The following RNF216 variants were observed in gnomAD, a reference collection of about 807,000 sequenced individuals.
RNF216 encodes the protein ring finger protein 216.
Under a neutral mutation model 110.8 loss-of-function variants are expected in RNF216, and 72 were observed. The ratio of observed to expected loss-of-function variants is 0.65; its 90% CI spans 0.54 to 0.79. The LOEUF (loss-of-function observed/expected upper bound fraction) is 0.79, where lower values mean the gene tolerates loss of function less well. Ranked by LOEUF, RNF216 falls within the 30% of genes least tolerant of loss-of-function variation. The pLI, the probability that RNF216 is intolerant of heterozygous loss-of-function variation, is 0.00. For missense variants in RNF216, 1,342 were observed against 1,141.2 expected, an observed-to-expected ratio of 1.18 and a Z score of -2.54; for synonymous variants, 495 against 407.5, an observed-to-expected ratio of 1.21 and a Z score of -2.59.
At chr7:5,653,462 G>T (rs1340637999) in intron 13 of RNF216, among the ~76,000 whole-genome samples, 1 of 151,694 alleles carries the variant, frequency 6.6e-6, no homozygotes, top group Non-Finnish European at 1.5e-5. Flanking sequence ...TTAGCTGGGC[G>T]TGGTGGCAGG....
At chr7:5,728,192 T>C (rs1219334179) in intron 7 of RNF216, among the ~76,000 whole-genome samples, 1 of 152,218 alleles carries the variant, frequency 6.6e-6, no homozygotes, top group African/African-American at 2.4e-5. Context: ...TGTGATTAAA[T>C]GTCCCTTCCT....
At chr7:5,675,493 T>A (rs1790223940) in intron 13 of RNF216, among the ~76,000 whole-genome samples, 1 of 150,218 alleles carries the variant, frequency 6.7e-6, no homozygotes, top group Non-Finnish European at 1.5e-5. Context: ...TTTAAAAAAA[T>A]TAGCTGAGTG....
At chr7:5,711,912 G>C in intron 12 of RNF216, 73 bp from the exon 13 acceptor site, 1 of 1,338,686 alleles carries the variant, frequency 7.5e-7, no homozygotes, top group Non-Finnish European at 1.1e-6. Context: ...CCATGTGGCT[G>C]TTCATATGAA....
intron 3 of RNF216, among the ~76,000 whole-genome samples, chr7:5,751,141 T>C (rs898604672): frequency 2.6e-5 from 4 of 152,142 alleles, no homozygotes; most frequent in African/African-American, 9.7e-5. Context: ...AATGTTTCCA[T>C]ACAGCTACCT....
intron 13 of RNF216, among the ~76,000 whole-genome samples, chr7:5,681,854 G>T (rs1467156364): frequency 6.6e-6 from 1 of 152,184 alleles, no homozygotes; most frequent in Admixed American, 6.5e-5. Context: ...AGGTGAAAAG[G>T]CCAAATTCAA....
intron 13 of RNF216, among the ~76,000 whole-genome samples, chr7:5,676,466 G>A (rs1388081389): frequency 6.6e-6 from 1 of 152,062 alleles, no homozygotes; most frequent in Non-Finnish European, 1.5e-5. Flanking sequence ...GAGAACTGTC[G>A]CTGGGGAACC....
chr7:5,748,824 A>G (rs1795181262), intron 3 of RNF216, among the ~76,000 whole-genome samples: 1 of 152,220 alleles, frequency 6.6e-6, no homozygotes. Flanking sequence ...TTTAAACTGC[A>G]CAGGGGTTGG....
intron 15 of RNF216, among the ~76,000 whole-genome samples, chr7:5,628,601 C>T (rs1786863689): frequency 6.6e-6 from 1 of 152,110 alleles, no homozygotes; most frequent in South Asian, 2.1e-4. Context: ...TAGATCACTG[C>T]AGCCTCCACC....
chr7:5,754,631 T>C (rs1013499880), intron 2 of RNF216, among the ~76,000 whole-genome samples: 8 of 152,046 alleles, frequency 5.3e-5, no homozygotes, highest in Non-Finnish European at 1.0e-4. Flanking sequence ...CCACTGAAAA[T>C]GGCCATAGTG....
Position 5,633,404 on chromosome 7 carries a change from C to T in RNF216, c.2382+7750G>A, listed in dbSNP as rs573814681. 5.3e-5 allele frequency among the ~76,000 whole-genome samples: 8 copies of T among 152,056 alleles called. No individual in the cohort carries two copies. The South Asian group carries it at 6.2e-4, about 12-fold the overall frequency. On this transcript the variant is annotated intron_variant, in intron 15 of 16. Coordinates refer to ENST00000389902, the MANE Select transcript of RNF216 (RefSeq NM_207111.4). ...CAGTCTGATCAACACGGTGAAACCC[C>T]GTCTCTACTAAAATACGAAAATTAG...
chr7:5,677,429 T>C (rs1450312928), intron 13 of RNF216, among the ~76,000 whole-genome samples: 2 of 152,112 alleles, frequency 1.3e-5, no homozygotes, highest in Non-Finnish European at 2.9e-5. Context: ...TCTCAGGCTT[T>C]CCTCTATAAA....
At chr7:5,770,379 T>G (rs1796433664) in intron 1 of RNF216, among the ~76,000 whole-genome samples, 1 of 151,590 alleles carries the variant, frequency 6.6e-6, no homozygotes. Context: ...GAGAATCACT[T>G]GAACCTGGGA....
chr7:5,778,749 T>A (rs908097436), intron 1 of RNF216, among the ~76,000 whole-genome samples: 4 of 57,560 alleles, frequency 6.9e-5, no homozygotes, highest in African/African-American at 1.5e-4. Flanking sequence ...TTTTTAAAAT[T>A]ATTATTATTT....
chr7:5,699,659 G>A lies in RNF216; in HGVS notation c.2061+12102C>T, dbSNP rs112619750. On this transcript the variant is annotated intron_variant, in intron 13 of 16. Coordinates refer to ENST00000389902, the MANE Select transcript of RNF216 (RefSeq NM_207111.4). ...GGGGAATTGTACAGAAACAGAGCAC[G>A]AACTGTTATTTAGTTTCAGAAGAGA... Among the ~76,000 whole-genome samples, 298 of 152,322 alleles carry A rather than the reference G, an allele frequency of 2.0e-3. 3 individuals are homozygous for A. Among genetic ancestry groups the A allele is most frequent in the Middle Eastern group, 0.01 (3 of 294 alleles).
intron 15 of RNF216, among the ~76,000 whole-genome samples, chr7:5,638,286 T>C (rs560411634): frequency 1.6e-4 from 25 of 152,246 alleles, no homozygotes; most frequent in Non-Finnish European, 2.9e-4. Flanking sequence ...TATATAAAAT[T>C]TGACATATCT....
At chr7:5,722,032 C>T (rs1401919277) in intron 8 of RNF216, among the ~76,000 whole-genome samples, 3 of 152,214 alleles carry the variant, frequency 2.0e-5, no homozygotes, top group African/African-American at 4.8e-5. Context: ...GGCAATCCTC[C>T]CGCCTCAGCC....
At chr7:5,781,390 G>C (rs1399161995) in intron 1 of RNF216, among the ~76,000 whole-genome samples, 151 bp downstream of exon 1, 1 of 141,552 alleles carries the variant, frequency 7.1e-6, no homozygotes, top group Admixed American at 7.1e-5. Context: ...GATCCCGCCC[G>C]GGCCTCGGCC....
intron 14 of RNF216, among the ~76,000 whole-genome samples, chr7:5,643,235 T>A (rs766225151): frequency 1.8e-4 from 27 of 152,048 alleles, no homozygotes; most frequent in Non-Finnish European, 4.0e-4. Context: ...GCTTCTGCAT[T>A]TGTAAGAGTA....
intron 13 of RNF216, among the ~76,000 whole-genome samples, chr7:5,691,613 T>C (rs1175556530): frequency 6.6e-6 from 1 of 152,178 alleles, no homozygotes; most frequent in African/African-American, 2.4e-5. Flanking sequence ...AGCTTCTCCT[T>C]AGGGGCAACA....
Sources: gnomAD v4.1 joint callset for allele counts (sites outside exome capture counted in the v4.1 genomes callset) on GRCh38, gnomAD v4.1.1 for gene constraint, MANE v1.5 for transcripts, NCBI Gene and HGNC (gene_info 2026-07-23, HGNC 2026-07-21) for gene names.